The following PTH2R variants were observed in gnomAD, a reference collection of about 807,000 sequenced individuals.
PTH2R encodes the protein PTH2 receptor.
A neutral mutation model predicts 60.3 loss-of-function variants in PTH2R; 59 were observed. The ratio of observed to expected loss-of-function variants is 0.98; its 90% confidence interval spans 0.79 to 1.22. The LOEUF (loss-of-function observed/expected upper bound fraction) is 1.22, where lower values mean the gene tolerates loss of function less well. Among genes scored for constraint, PTH2R ranks in the 50% most tolerant of loss-of-function variants. The pLI is 0.00. For synonymous variants in PTH2R, 256 were observed against 243.8 expected (o/e 1.05, Z -0.47); for missense variants, 749 against 682.6 (o/e 1.10, Z -1.08).
intron 1 of PTH2R, among the ~76,000 whole-genome samples, chr2:208,377,587 G>A (rs1700823612): frequency 6.6e-6 from 1 of 151,144 alleles, no homozygotes; most frequent in Non-Finnish European, 1.5e-5. Context: ...CTGGCCGGGC[G>A]GGGGCTGACC....
chr2:208,465,894 A>T (rs11682949), intron 9 of PTH2R, among the ~76,000 whole-genome samples: 80,811 of 150,248 alleles, frequency 0.54, 23,628 homozygotes, highest in Non-Finnish European at 0.65. Flanking sequence ...TTTTTTTTTT[A>T]AAAATCCAAA....
intron 9 of PTH2R, among the ~76,000 whole-genome samples, chr2:208,479,930 C>G (rs564934513): frequency 6.6e-6 from 1 of 152,198 alleles, no homozygotes; most frequent in Non-Finnish European, 1.5e-5. Context: ...CAGCTATTAT[C>G]GGCCTGGAAA....
At chr2:208,441,131 T>C (rs912313286) in intron 4 of PTH2R, among the ~76,000 whole-genome samples, 1 of 152,192 alleles carries the variant, frequency 6.6e-6, no homozygotes, top group African/African-American at 2.4e-5. Flanking sequence ...CACCTTCAAG[T>C]TGGGGTTCCC....
At chr2:208,401,529 C>A (rs1169350165) in intron 1 of PTH2R, among the ~76,000 whole-genome samples, 3 of 151,312 alleles carry the variant, frequency 2.0e-5, no homozygotes, top group Non-Finnish European at 4.4e-5. Context: ...TATGGTATCT[C>A]TCCTTCTTAT....
intron 8 of PTH2R, among the ~76,000 whole-genome samples, chr2:208,453,657 T>C (rs1702452977): frequency 6.6e-6 from 1 of 152,176 alleles, no homozygotes; most frequent in Non-Finnish European, 1.5e-5. Context: ...TATTAAGCAA[T>C]GATAAAGTTT....
rs529418321 is a variant in PTH2R at position 208,435,648 on chromosome 2, T to G, written c.179-1889T>G. Among the ~76,000 whole-genome samples the G allele has an allele frequency of 2.0e-5, 3 of 152,260 alleles. No individual in the cohort carries two copies. In the East Asian group the frequency reaches 5.8e-4, roughly 30 times the overall value. On this transcript the variant is annotated intron_variant, in intron 2 of 12. Transcript: ENST00000272847. ...GCTGTCAGCAAAGAAATGGGGACCT[T>G]GGTTCTATGTCTGCAAGGAGCTGAA... is the stretch of plus-strand genomic sequence containing the variant.
intron 7 of PTH2R, among the ~76,000 whole-genome samples, 164 bp from the exon 8 acceptor site, chr2:208,450,585 T>G (rs1702383854): frequency 6.6e-6 from 1 of 152,192 alleles, no homozygotes. Flanking sequence ...CAAACTGACA[T>G]GATTAAAAAT....
At chr2:208,363,674 C>T (rs890216081) in intron 1 of PTH2R, among the ~76,000 whole-genome samples, 3 of 152,170 alleles carry the variant, frequency 2.0e-5, no homozygotes, top group Admixed American at 6.5e-5. Context: ...ACCTTACTAA[C>T]ATCTGTTATT....
At chr2:208,398,788 A>G (rs571724453) in intron 1 of PTH2R, among the ~76,000 whole-genome samples, 2 of 152,290 alleles carry the variant, frequency 1.3e-5, no homozygotes, top group African/African-American at 4.8e-5. Flanking sequence ...ATCTCTTGTG[A>G]TAACACATAT....
chr2:208,428,643 G>T (rs1701907060), intron 2 of PTH2R, among the ~76,000 whole-genome samples: 1 of 152,172 alleles, frequency 6.6e-6, no homozygotes, highest in South Asian at 2.1e-4. Context: ...GGAGGAGTAG[G>T]CTCTGTCCCT....
intron 7 of PTH2R, among the ~76,000 whole-genome samples, chr2:208,448,728 T>A (rs1344890385): frequency 6.6e-6 from 1 of 151,278 alleles, no homozygotes; most frequent in Admixed American, 6.6e-5. Context: ...CATTTAAATT[T>A]AAAACAACAT....
chr2:208,377,973 C>T (rs1223320563), intron 1 of PTH2R, among the ~76,000 whole-genome samples: 1 of 151,924 alleles, frequency 6.6e-6, no homozygotes, highest in Non-Finnish European at 1.5e-5. Flanking sequence ...GACGGGGTGG[C>T]GGCCAGGCAG....
chr2:208,422,495 C>T (rs10166366), intron 1 of PTH2R, among the ~76,000 whole-genome samples: 2,142 of 152,124 alleles, frequency 0.014, 59 homozygotes, highest in African/African-American at 0.049. Context: ...ATATTATATT[C>T]GTTAAGTAGA....
At chr2:208,367,280 G>A (rs1303767391) in intron 1 of PTH2R, among the ~76,000 whole-genome samples, 1 of 152,046 alleles carries the variant, frequency 6.6e-6, no homozygotes, top group Non-Finnish European at 1.5e-5. Context: ...TTTTAGTAGA[G>A]ACAGGGTTTC....
chr2:208,367,489 C>T lies in PTH2R; in HGVS notation c.-259+7252C>T, dbSNP rs540776061. Among the ~76,000 whole-genome samples the T allele has an allele frequency of 9.2e-5, 13 of 141,968 alleles. No individual in the cohort carries two copies. In the East Asian group the frequency reaches 1.7e-3, roughly 18 times the overall value. The allele number at this position is 141,968 out of a possible 152,430, so 93.1% of individuals were successfully genotyped here. A position where few individuals can be genotyped will look rare whatever the true frequency, so the allele number is the denominator to read the frequency against. On this transcript the variant is annotated intron_variant, in intron 1 of 12. Transcript: ENST00000617735. The stretch of plus-strand genomic sequence containing the variant: ...AGGCTGAAGTGCAGTGGCACAATCT[C>T]GGCTCACTGCAACCTCCGCCTCCCA...
intron 1 of PTH2R, among the ~76,000 whole-genome samples, chr2:208,412,024 T>C (rs1701549306): frequency 6.6e-6 from 1 of 152,246 alleles, no homozygotes; most frequent in South Asian, 2.1e-4. Context: ...GGCTTTTAAA[T>C]GGGGTGTGTA....
chr2:208,468,802 G>A (rs981709690), intron 9 of PTH2R, among the ~76,000 whole-genome samples: 5 of 151,916 alleles, frequency 3.3e-5, no homozygotes, highest in Non-Finnish European at 5.9e-5. Context: ...CTTTTTCACC[G>A]AACTGCAAGG....
chr2:208,401,630 G>GA (rs1385715530), intron 1 of PTH2R, among the ~76,000 whole-genome samples: 1 of 151,914 alleles, frequency 6.6e-6, no homozygotes, highest in African/African-American at 2.4e-5. Flanking sequence ...TGCTGTTTTA[G>GA]AATCCCTCCT....
At chr2:208,456,253 G>A (rs4558531) in intron 8 of PTH2R, among the ~76,000 whole-genome samples, 8,483 of 151,784 alleles carry the variant, frequency 0.056, 519 homozygotes, top group African/African-American at 0.15. Context: ...AAAAAAAAAA[G>A]AGTGTTATTT....
Sources: allele counts gnomAD v4.1 joint callset (sites outside exome capture counted in the v4.1 genomes callset), GRCh38; gene constraint gnomAD v4.1.1; transcripts MANE v1.5; gene names NCBI Gene and HGNC (gene_info 2026-07-23, HGNC 2026-07-21).